The following CADM2 variants were observed in gnomAD, a reference collection of about 807,000 sequenced individuals.
CADM2 encodes the protein immunoglobulin superfamily member 4D.
Under a neutral mutation model 49.8 loss-of-function variants are expected in CADM2, and 12 were observed. The ratio of observed to expected loss-of-function variants is 0.24; its 90% CI spans 0.15 to 0.39. The LOEUF (loss-of-function observed/expected upper bound fraction) is 0.39. CADM2 is among the 10% of genes least tolerant of loss of function. CADM2 has a pLI of 1.00. For synonymous variants in CADM2, 214 were observed against 175.4 expected, an observed-to-expected ratio of 1.22 and a Z score of -1.74; for missense variants, 378 against 492.3, an observed-to-expected ratio of 0.77 and a Z score of 2.20.
chr3:85,486,829 C>T (rs2039436756), intron 1 of CADM2, among the ~76,000 whole-genome samples: 1 of 152,134 alleles, frequency 6.6e-6, no homozygotes, highest in Admixed American at 6.5e-5. Flanking sequence ...CAAACTCTCA[C>T]ATATGAATTT....
At chr3:86,032,222 A>G (rs1734640365) in intron 8 of CADM2, among the ~76,000 whole-genome samples, 1 of 151,790 alleles carries the variant, frequency 6.6e-6, no homozygotes, top group African/African-American at 2.4e-5. Flanking sequence ...CCTTTCGTCC[A>G]ATTTGAGATA....
At chr3:85,386,083 A>G (rs1449825273) in intron 1 of CADM2, among the ~76,000 whole-genome samples, 1 of 152,150 alleles carries the variant, frequency 6.6e-6, no homozygotes, top group Non-Finnish European at 1.5e-5. Context: ...GCTTTCCCCT[A>G]ACTACATACT....
At chr3:85,176,717 T>A (rs2107695133) in intron 1 of CADM2, among the ~76,000 whole-genome samples, 1 of 152,254 alleles carries the variant, frequency 6.6e-6, no homozygotes, top group East Asian at 1.9e-4. Context: ...CTCTGTAGGC[T>A]TTTGGTATCT....
chr3:85,038,457 T>C (rs1331764387), intron 1 of CADM2, among the ~76,000 whole-genome samples: 1 of 152,218 alleles, frequency 6.6e-6, no homozygotes, highest in Non-Finnish European at 1.5e-5. Flanking sequence ...GATAAGTGGA[T>C]AGCACTGTGT....
chr3:86,046,438 G>A (rs911663424), intron 8 of CADM2, among the ~76,000 whole-genome samples: 1 of 152,088 alleles, frequency 6.6e-6, no homozygotes, highest in African/African-American at 2.4e-5. Context: ...TATTTGCCTA[G>A]ATGATTGCTT....
At chr3:85,953,665 A>G (rs988446511) in intron 7 of CADM2, among the ~76,000 whole-genome samples, 2 of 151,196 alleles carry the variant, frequency 1.3e-5, no homozygotes, top group Admixed American at 1.3e-4. Context: ...TATATCTTAT[A>G]GAAACTACTT....
At chr3:85,370,813 C>T (rs954597759) in intron 1 of CADM2, among the ~76,000 whole-genome samples, 4 of 151,880 alleles carry the variant, frequency 2.6e-5, no homozygotes, top group Non-Finnish European at 5.9e-5. Flanking sequence ...TGTTATTGCC[C>T]CTGAAGACTT....
intron 1 of CADM2, among the ~76,000 whole-genome samples, chr3:85,185,173 C>G (rs1210394700): frequency 6.6e-6 from 1 of 152,044 alleles, no homozygotes; most frequent in Non-Finnish European, 1.5e-5. Flanking sequence ...AGAAGATGCC[C>G]TATCTTTTTT....
At chr3:85,392,441 G>T (rs1455499928) in intron 1 of CADM2, among the ~76,000 whole-genome samples, 2 of 151,972 alleles carry the variant, frequency 1.3e-5, no homozygotes, top group African/African-American at 4.8e-5. Context: ...ATCTTAGTTT[G>T]TTCTTGGAGT....
rs1036131392 is a variant in CADM2 at position 86,068,588 on chromosome 3, T to G, written c.*1805T>G. The G allele has an allele frequency of 6.6e-6, 1 of 152,032 alleles. No individual in the cohort carries two copies. The highest frequency in any genetic ancestry group is 1.5e-5 in the Non-Finnish European group (1 of 67,856). 9.4% of individuals were successfully genotyped at this position (152,032 alleles called of 1,614,324 possible). On this transcript the variant is annotated 3_prime_UTR_variant, in exon 10 of 10. Coordinates refer to ENST00000383699, the MANE Select transcript of CADM2 (RefSeq NM_001167675.2). ...AAAGACAAGGGTGCTGTATCTTTGA[T>G]TATTTATCAAAAAAGTATAAATCTT...
chr3:85,572,195 G>T (rs1365497962), intron 1 of CADM2, among the ~76,000 whole-genome samples: 1 of 152,168 alleles, frequency 6.6e-6, no homozygotes, highest in Admixed American at 6.5e-5. Flanking sequence ...TACTGGGAAG[G>T]CTGAGACAGG....
intron 1 of CADM2, among the ~76,000 whole-genome samples, chr3:85,613,703 T>G (rs548450128): frequency 9.2e-5 from 14 of 151,720 alleles, no homozygotes; most frequent in African/African-American, 3.4e-4. Flanking sequence ...AAATATGAAA[T>G]GGTAGCTAAC....
At chr3:85,110,272 G>GAA (rs1176173564) in intron 1 of CADM2, among the ~76,000 whole-genome samples, 1 of 151,640 alleles carries the variant, frequency 6.6e-6, no homozygotes, top group Non-Finnish European at 1.5e-5. Context: ...GAGAGAGAGA[G>GAA]AATAAGAGAG....
At chr3:85,001,091 T>G (rs1226658563) in intron 1 of CADM2, among the ~76,000 whole-genome samples, 1 of 152,074 alleles carries the variant, frequency 6.6e-6, no homozygotes, top group Non-Finnish European at 1.5e-5. Flanking sequence ...GTTTCAAAAT[T>G]TAATTAACAA....
chr3:86,045,313 G>A (rs910653423), intron 8 of CADM2, among the ~76,000 whole-genome samples: 1 of 152,148 alleles, frequency 6.6e-6, no homozygotes, highest in South Asian at 2.1e-4. Flanking sequence ...GATTTAAATC[G>A]AATGGCTGAT....
chr3:85,832,578 G>A (rs373586592), intron 3 of CADM2, among the ~76,000 whole-genome samples: 88 of 151,658 alleles, frequency 5.8e-4, no homozygotes, highest in African/African-American at 2.0e-3. Flanking sequence ...ATCATGCATG[G>A]GATCATGTTC....
Position 85,647,240 on chromosome 3 carries a change from C to G in CADM2, c.62-79282C>G, listed in dbSNP as rs568807555. Among the ~76,000 whole-genome samples the G allele has an allele frequency of 7.3e-5, 11 of 151,574 alleles. 1 individual carries two copies. The East Asian group carries it at 2.1e-3, about 29-fold the overall frequency. On this transcript the variant is annotated intron_variant, in intron 1 of 9. Coordinates refer to ENST00000383699, the MANE Select transcript of CADM2 (RefSeq NM_001167675.2). ...TTGTAATATTTATTCAAATTTATAC[C>G]ACATAGCCATGGTATATAATTTGAG...
At chr3:85,246,199 A>T (rs1404778768) in intron 1 of CADM2, among the ~76,000 whole-genome samples, 1 of 152,126 alleles carries the variant, frequency 6.6e-6, no homozygotes. Flanking sequence ...CGCAAGAACA[A>T]AAAACCAAAC....
At chr3:85,775,044 G>A (rs1347724575) in intron 2 of CADM2, among the ~76,000 whole-genome samples, 6 of 151,544 alleles carry the variant, frequency 4.0e-5, no homozygotes, top group Admixed American at 1.3e-4. Context: ...ATGAAGATAA[G>A]CCCTTTACTA....
Sources: gnomAD v4.1 joint callset for allele counts (sites outside exome capture counted in the v4.1 genomes callset) on GRCh38, gnomAD v4.1.1 for gene constraint, MANE v1.5 for transcripts, NCBI Gene and HGNC (gene_info 2026-07-23, HGNC 2026-07-21) for gene names.